The following ADGRB3 variants were observed in gnomAD, a reference collection of about 807,000 sequenced individuals.
ADGRB3 encodes adhesion G protein-coupled receptor B3.
Under a neutral mutation model 193.4 loss-of-function variants are expected in ADGRB3, and 37 were observed. The ratio of observed to expected loss-of-function variants is 0.19; its 90% CI spans 0.15 to 0.25. ADGRB3 has a LOEUF of 0.25. ADGRB3 is among the 10% of genes least tolerant of loss of function. ADGRB3 has a pLI of 1.00. For missense variants in ADGRB3, 1,637 were observed against 1,852.9 expected, an observed-to-expected ratio of 0.88 and a Z score of 2.14; for synonymous variants, 690 against 644.2, an observed-to-expected ratio of 1.07 and a Z score of -1.08.
chr6:68,782,877 C>G (rs1766884532), intron 3 of ADGRB3, among the ~76,000 whole-genome samples: 1 of 151,748 alleles, frequency 6.6e-6, no homozygotes, highest in Non-Finnish European at 1.5e-5. Flanking sequence ...GATATTAGCC[C>G]TTTGTCAGAT....
At chr6:69,121,319 G>C (rs956508736) in intron 17 of ADGRB3, among the ~76,000 whole-genome samples, 3 of 152,130 alleles carry the variant, frequency 2.0e-5, no homozygotes, top group East Asian at 1.9e-4. Flanking sequence ...GCACGGGGTT[G>C]GGGGTAAGGT....
chr6:69,267,670 G>A (rs983698766), intron 20 of ADGRB3, among the ~76,000 whole-genome samples: 3 of 152,090 alleles, frequency 2.0e-5, no homozygotes, highest in African/African-American at 7.2e-5. Flanking sequence ...TAACCATGTG[G>A]CCTATTTTCT....
intron 3 of ADGRB3, among the ~76,000 whole-genome samples, chr6:68,691,691 A>G (rs1385718191): frequency 5.9e-5 from 9 of 151,884 alleles, no homozygotes; most frequent in Non-Finnish European, 1.3e-4. Context: ...TTCAGTACAT[A>G]TGAGCATCAG....
chr6:68,888,576 TA>T (rs1385739744), intron 3 of ADGRB3, among the ~76,000 whole-genome samples: 4 of 110,430 alleles, frequency 3.6e-5, no homozygotes, highest in South Asian at 2.8e-4. Flanking sequence ...CACACACACA[TA>T]AAAAAAACTC....
intron 20 of ADGRB3, among the ~76,000 whole-genome samples, chr6:69,286,850 A>G (rs1767563233): frequency 6.6e-6 from 1 of 152,216 alleles, no homozygotes; most frequent in Admixed American, 6.5e-5. Flanking sequence ...GAATTAAATT[A>G]CTATATAATT....
At chr6:69,219,461 G>GTGTATATATATATATATATATATATA (rs1491200940) in intron 17 of ADGRB3, among the ~76,000 whole-genome samples, 3 of 98,952 alleles carry the variant, frequency 3.0e-5, no homozygotes, top group Non-Finnish European at 6.7e-5. Context: ...ACACACACAC[G>GTGTATATATATATATATATATATATA]TATATATATA....
intron 3 of ADGRB3, among the ~76,000 whole-genome samples, chr6:68,648,414 A>G (rs1402074844): frequency 6.7e-6 from 1 of 149,220 alleles, no homozygotes; most frequent in Non-Finnish European, 1.5e-5. Context: ...CTGGATAAAT[A>G]TTTTCTCAAA....
chr6:68,995,597 T>G (rs1452065402), intron 11 of ADGRB3, among the ~76,000 whole-genome samples: 2 of 152,252 alleles, frequency 1.3e-5, no homozygotes, highest in African/African-American at 4.8e-5. Context: ...TTCATTTTAG[T>G]CTAGTCAGAA....
At chr6:69,031,081 CT>C (rs1436661670) in intron 13 of ADGRB3, among the ~76,000 whole-genome samples, 20 of 63,470 alleles carry the variant, frequency 3.2e-4, no homozygotes, top group Non-Finnish European at 6.3e-4. Flanking sequence ...CTTCTCTTCT[CT>C]TCTCTTCTCT....
chr6:68,798,054 T>C (rs1406049625), intron 3 of ADGRB3, among the ~76,000 whole-genome samples: 1 of 152,178 alleles, frequency 6.6e-6, no homozygotes, highest in East Asian at 1.9e-4. Context: ...AAGGAATTCA[T>C]TACCAGATGA....
chr6:69,335,989 G>T (rs992389750), intron 24 of ADGRB3, among the ~76,000 whole-genome samples: 2 of 151,860 alleles, frequency 1.3e-5, no homozygotes, highest in Non-Finnish European at 2.9e-5. Flanking sequence ...TAATACAATA[G>T]TTTAACAAGT....
chr6:68,751,097 T>G (rs1402867884), intron 3 of ADGRB3, among the ~76,000 whole-genome samples: 1 of 152,230 alleles, frequency 6.6e-6, no homozygotes, highest in Non-Finnish European at 1.5e-5. Flanking sequence ...TTACCTGGTA[T>G]CTCTCTGAGA....
intron 3 of ADGRB3, among the ~76,000 whole-genome samples, chr6:68,797,422 A>T (rs9294807): frequency 0.78 from 118,211 of 150,966 alleles, 46,456 homozygotes; most frequent in Middle Eastern, 0.9. Context: ...AAAAAAAAGG[A>T]TGTACTTGAA....
intron 3 of ADGRB3, among the ~76,000 whole-genome samples, chr6:68,685,983 T>C (rs543170920): frequency 6.6e-6 from 1 of 152,342 alleles, no homozygotes; most frequent in African/African-American, 2.4e-5. Context: ...CCTACAGAAC[T>C]GAGTGTTCTC....
At chr6:69,313,088 T>C (rs1768232880) in intron 20 of ADGRB3, among the ~76,000 whole-genome samples, 1 of 151,876 alleles carries the variant, frequency 6.6e-6, no homozygotes, top group Non-Finnish European at 1.5e-5. Context: ...TTGGTAGCTT[T>C]AGTTACCAGC....
chr6:69,380,001 A>G (rs1769914516), intron 30 of ADGRB3, among the ~76,000 whole-genome samples: 1 of 151,990 alleles, frequency 6.6e-6, no homozygotes, highest in South Asian at 2.1e-4. Flanking sequence ...GGTGACCAGC[A>G]TAACTTTATA....
chr6:69,300,420 C>T (rs1767925001), intron 20 of ADGRB3, among the ~76,000 whole-genome samples: 1 of 151,596 alleles, frequency 6.6e-6, no homozygotes, highest in African/African-American at 2.4e-5. Flanking sequence ...ACAAGTATGC[C>T]CACTTTTACA....
intron 3 of ADGRB3, among the ~76,000 whole-genome samples, chr6:68,761,182 T>A (rs1468723091): frequency 6.6e-6 from 1 of 152,138 alleles, no homozygotes; most frequent in African/African-American, 2.4e-5. Context: ...ACATACCCTG[T>A]TAAGGCAGGA....
chr6:69,360,918 A>G lies in ADGRB3; in HGVS notation c.3645A>G (p.Thr1215=), dbSNP rs1769436910. 1.2e-6 allele frequency: 2 copies of G among 1,612,064 alleles called. No homozygotes were observed. Among genetic ancestry groups the G allele is most frequent in the South Asian group, 1.1e-5 (1 of 90,984 alleles). Reference sequence around the variant, plus strand: ...GCCGAGCAGCCACAATAACAGGAACACTTTCTAGGATTTCTCTAAATGATG... The same window carrying G: ...GCCGAGCAGCCACAATAACAGGAACGCTTTCTAGGATTTCTCTAAATGATG... The part of the protein sequence containing the change: ...GPCRAATITG[T]LSRISLNDDE... The change falls in exon 29 of 32, where the codon ACA becomes ACG. Residue 1215 remains threonine (T), a synonymous_variant. Coordinates refer to ENST00000370598, the MANE Select transcript of ADGRB3 (RefSeq NM_001704.3).
Sources: gnomAD v4.1 joint callset for allele counts (sites outside exome capture counted in the v4.1 genomes callset) on GRCh38, gnomAD v4.1.1 for gene constraint, MANE v1.5 for transcripts, NCBI Gene and HGNC (gene_info 2026-07-23, HGNC 2026-07-21) for gene names.